TMEM132B: variants seen among roughly 807,000 people sequenced by gnomAD.
The protein encoded by TMEM132B is transmembrane protein 132B.
TMEM132B carries 18 observed loss-of-function variants against 90.8 expected under a neutral mutation model. That is an observed-to-expected ratio of 0.20 (90% CI 0.14 to 0.29). TMEM132B has a LOEUF of 0.29. Ranked by LOEUF, TMEM132B falls within the 10% of genes least tolerant of loss-of-function variation. TMEM132B has a pLI of 1.00. For synonymous variants in TMEM132B, 504 were observed against 523.3 expected (o/e 0.96, Z 0.50); for missense variants, 1,096 against 1,326.8 (o/e 0.83, Z 2.70).
At chr12:125,570,136 A>G (rs12296107) in intron 4 of TMEM132B, among the ~76,000 whole-genome samples, 3,904 of 152,282 alleles carry the variant, frequency 0.026, 141 homozygotes, top group East Asian at 0.15. Flanking sequence ...CCAATGGGAA[A>G]AAAGAAACCT....
intron 5 of TMEM132B, among the ~76,000 whole-genome samples, chr12:125,633,530 G>A (rs1299891899): frequency 5.3e-5 from 8 of 152,202 alleles, no homozygotes; most frequent in Admixed American, 5.2e-4. Flanking sequence ...ATTTATTATA[G>A]TCTTTACTGC....
At chr12:125,602,170 T>A (rs888847790) in intron 5 of TMEM132B, among the ~76,000 whole-genome samples, 1 of 152,090 alleles carries the variant, frequency 6.6e-6, no homozygotes, top group Non-Finnish European at 1.5e-5. Flanking sequence ...TAAAAGAAAA[T>A]TTCAGGCTAA....
chr12:125,588,941 A>G (rs1885241203), intron 5 of TMEM132B, among the ~76,000 whole-genome samples: 1 of 152,228 alleles, frequency 6.6e-6, no homozygotes, highest in Non-Finnish European at 1.5e-5. Flanking sequence ...ATGATTAAAT[A>G]AGAATGTATA....
intron 5 of TMEM132B, among the ~76,000 whole-genome samples, chr12:125,603,501 C>T (rs1367806801): frequency 6.6e-6 from 1 of 152,028 alleles, no homozygotes; most frequent in African/African-American, 2.4e-5. Flanking sequence ...AAAAACCCCA[C>T]AAGAAAACCT....
rs1471771976 is a variant in TMEM132B at position 125,620,138 on chromosome 12, T to C, written c.1438-23938T>C. On this transcript the variant is annotated intron_variant, in intron 5 of 8. Transcript: ENST00000682704. ...GTGCCTACTGTGTGCTTTCAGGAAA[T>C]ACATCTCTTACTTCAGCATTTCTTC... Among the ~76,000 whole-genome samples, 3 of 152,216 alleles carry C rather than the reference T, an allele frequency of 2.0e-5. No individual in the cohort carries two copies. The East Asian group carries it at 5.8e-4, about 29-fold the overall frequency.
intron 5 of TMEM132B, among the ~76,000 whole-genome samples, chr12:125,616,246 T>C (rs375567464): frequency 1.5e-4 from 23 of 152,044 alleles, no homozygotes; most frequent in African/African-American, 5.6e-4. Context: ...GCTTCATCCA[T>C]GTCCCTACAA....
At chr12:125,218,769 GTT>G (rs34905706) in intron 1 of TMEM132B, among the ~76,000 whole-genome samples, 4 of 108,864 alleles carry the variant, frequency 3.7e-5, no homozygotes, top group African/African-American at 1.4e-4. Context: ...TGTTGAAGCT[GTT>G]TTTTTTTTTT....
At chr12:125,486,820 C>T (rs7312735) in intron 3 of TMEM132B, among the ~76,000 whole-genome samples, 293 of 152,248 alleles carry the variant, frequency 1.9e-3, no homozygotes, top group African/African-American at 6.8e-3. Flanking sequence ...ATTTAATTAC[C>T]GTCTTCCTTT....
At chr12:125,552,726 G>A (rs1470583405) in intron 4 of TMEM132B, among the ~76,000 whole-genome samples, 3 of 152,182 alleles carry the variant, frequency 2.0e-5, no homozygotes, top group African/African-American at 7.2e-5. Flanking sequence ...CGCATGATGT[G>A]GATAACTTTC....
intron 1 of TMEM132B, among the ~76,000 whole-genome samples, chr12:125,284,133 A>AT (rs1445807577): frequency 6.6e-6 from 1 of 152,052 alleles, no homozygotes; most frequent in Admixed American, 6.5e-5. Flanking sequence ...ATGGTAGGTG[A>AT]TTTTTTGTCT....
chr12:125,327,519 G>T (rs904098131), intron 1 of TMEM132B: 5 of 152,328 alleles, frequency 3.3e-5, no homozygotes, highest in Non-Finnish European at 7.3e-5. Context: ...TGAGTTTGAG[G>T]ATTTCAGGCC....
chr12:125,504,931 T>C (rs1882791860), intron 3 of TMEM132B, among the ~76,000 whole-genome samples: 1 of 152,048 alleles, frequency 6.6e-6, no homozygotes, highest in South Asian at 2.1e-4. Context: ...CCTCACATTC[T>C]GTATACAATC....
intron 1 of TMEM132B, among the ~76,000 whole-genome samples, chr12:125,276,641 C>G (rs1424135955): frequency 6.6e-6 from 1 of 152,164 alleles, no homozygotes; most frequent in African/African-American, 2.4e-5. Flanking sequence ...GTGTGAGTCC[C>G]TCGTGCCTTT....
At position 125,277,333 on chromosome 12, in the gene TMEM132B, G is replaced by C. The variant is rs1338067446; in HGVS notation, c.68-72119G>C. 6.6e-6 allele frequency among the ~76,000 whole-genome samples: 1 copy of C among 152,044 alleles called. No individual in the cohort carries two copies. The stretch of plus-strand genomic sequence containing the variant: ...GTCTCTACTAAAAATACAAAAATTA[G>C]CTGGGCGTGGTGGTGGGCTCCTGTA... On this transcript the variant is annotated intron_variant, in intron 1 of 8. Transcript: ENST00000682704. This position sits in a 1 kb window ranked among gnomAD's most constrained non-coding sequence, Gnocchi z 4.3.
rs111776071 is a variant in TMEM132B, at chr12:125,204,397, T to C, written c.67+17531T>C. Reference sequence around the variant, plus strand: ...CCATGTACCCAGGCACTCTGCTTAGTCCTTTATGTGGAGCATCTCATGAAT... The same window carrying C: ...CCATGTACCCAGGCACTCTGCTTAGCCCTTTATGTGGAGCATCTCATGAAT... On this transcript the variant is annotated intron_variant, in intron 1 of 8. Transcript: ENST00000682704. Among the ~76,000 whole-genome samples the C allele has an allele frequency of 1.1e-4, 13 of 123,110 alleles. 2 individuals are homozygous for C. Among genetic ancestry groups the C allele is most frequent in the Admixed American group, 2.5e-4 (3 of 12,062 alleles). 80.8% of individuals were successfully genotyped at this position (123,110 alleles called of 152,430 possible). A position where few individuals can be genotyped will look rare whatever the true frequency, so the allele number is the denominator to read the frequency against.
At chr12:125,294,087 C>A (rs966277626) in intron 1 of TMEM132B, among the ~76,000 whole-genome samples, 10 of 152,230 alleles carry the variant, frequency 6.6e-5, no homozygotes, top group Non-Finnish European at 1.5e-4. Flanking sequence ...TCCCAAGCCT[C>A]AGAGTCAGCC....
At chr12:125,583,810 A>T in intron 4 of TMEM132B, 41 bp from the exon 5 acceptor site, 1 of 1,610,524 alleles carries the variant, frequency 6.2e-7, no homozygotes, top group South Asian at 1.1e-5. Flanking sequence ...CCCCTGTGGT[A>T]TGCACGTTTG....
At position 125,653,730 on chromosome 12, in the gene TMEM132B, G is replaced by A. The variant is rs1886987207; in HGVS notation, c.2272G>A (p.Glu758Lys). Reference sequence around the variant, plus strand: ...ATGGCCAATTGTGGTTGCAGAGGGTGAAGGACAAGGGCCTTTGATTAAGTT... The same window carrying A: ...ATGGCCAATTGTGGTTGCAGAGGGTAAAGGACAAGGGCCTTTGATTAAGTT... ...SKWPIVVAEG[E>K]GQGPLIKLEM... Residue 758 changes from glutamate (E) to lysine (K), a missense_variant, in exon 9 of 9, where the codon GAA becomes AAA. By Grantham distance (56) the Glu-to-Lys change is moderately conservative. Coordinates refer to ENST00000682704, the MANE Select transcript of TMEM132B (RefSeq NM_001366854.1). The A allele has an allele frequency of 6.2e-7, 1 of 1,614,198 alleles. No homozygotes were observed. The highest frequency in any genetic ancestry group is 8.5e-7 in the Non-Finnish European group (1 of 1,180,034).
At chr12:125,509,715 A>G (rs920269336) in intron 3 of TMEM132B, among the ~76,000 whole-genome samples, 4 of 152,288 alleles carry the variant, frequency 2.6e-5, no homozygotes, top group Admixed American at 1.3e-4. Context: ...TGGATTATCT[A>G]TTCAAAAGTT....
Sources: gnomAD v4.1 joint callset for allele counts (sites outside exome capture counted in the v4.1 genomes callset) on GRCh38, gnomAD v4.1.1 for gene constraint, Gnocchi (gnomAD v3.1) non-coding constraint, MANE v1.5 for transcripts, NCBI Gene and HGNC (gene_info 2026-07-23, HGNC 2026-07-21) for gene names.